The following PCDH9 variants were observed in gnomAD, a reference collection of about 807,000 sequenced individuals.
PCDH9 encodes protocadherin-9.
PCDH9 carries 24 observed loss-of-function variants against 70.6 expected under a neutral mutation model. That is an observed-to-expected ratio of 0.34 (90% CI 0.25 to 0.48). PCDH9 has a LOEUF of 0.48. PCDH9 is among the 20% of genes least tolerant of loss of function. The probability of loss-of-function intolerance (pLI) is 0.99; values close to 1 mark genes in which losing one functional copy is unlikely to be tolerated. For missense variants in PCDH9, 1,281 were observed against 1,503.6 expected (o/e 0.85, Z 2.45); for synonymous variants, 562 against 558.5 (o/e 1.01, Z -0.09).
intron 4 of PCDH9, among the ~76,000 whole-genome samples, chr13:66,496,183 T>C (rs1301429512): frequency 6.6e-6 from 1 of 152,242 alleles, no homozygotes; most frequent in Admixed American, 6.5e-5. Flanking sequence ...ATAACTCTTC[T>C]TCTCCTACTC....
chr13:66,320,587 G>T (rs555245980), intron 4 of PCDH9, among the ~76,000 whole-genome samples: 1 of 151,972 alleles, frequency 6.6e-6, no homozygotes, highest in East Asian at 1.9e-4. Flanking sequence ...ACTCCCAAAT[G>T]TTCTCCCTTT....
chr13:66,482,002 A>T (rs1958850546), intron 4 of PCDH9, among the ~76,000 whole-genome samples: 1 of 152,082 alleles, frequency 6.6e-6, no homozygotes, highest in South Asian at 2.1e-4. Flanking sequence ...TAAAACACAA[A>T]TTCTAAGTTC....
At chr13:66,799,994 C>T (rs1427040898) in intron 3 of PCDH9, among the ~76,000 whole-genome samples, 2 of 152,150 alleles carry the variant, frequency 1.3e-5, no homozygotes, top group African/African-American at 2.4e-5. Context: ...CTTCTTGCTG[C>T]CTCAGAGTAT....
chr13:66,833,007 T>C (rs369426274), intron 3 of PCDH9, among the ~76,000 whole-genome samples: 51 of 152,292 alleles, frequency 3.3e-4, no homozygotes, highest in African/African-American at 1.2e-3. Context: ...CAGAATCAGC[T>C]GTCAACTCTA....
intron 3 of PCDH9, among the ~76,000 whole-genome samples, chr13:66,821,163 A>G (rs1024336439): frequency 3.3e-5 from 5 of 152,158 alleles, no homozygotes; most frequent in Non-Finnish European, 7.4e-5. Flanking sequence ...TTATACAGTT[A>G]TAAGTTAAAG....
At position 66,454,699 on chromosome 13, in the gene PCDH9, A is replaced by C. The variant is rs1419067346; in HGVS notation, c.3341-149671T>G. Among the ~76,000 whole-genome samples, 7 of 152,334 alleles carry C rather than the reference A, an allele frequency of 4.6e-5. No individual in the cohort carries two copies. In the East Asian group the frequency reaches 1.4e-3, roughly 29 times the overall value. On this transcript the variant is annotated intron_variant, in intron 4 of 4. Transcript: ENST00000377865. The stretch of plus-strand genomic sequence containing the variant: ...TGGCAAGATTTTCTTTCTTCTTGAA[A>C]AACATAATCTTTGCATATCATTTTC...
chr13:66,683,839 C>G (rs1188980462), intron 3 of PCDH9, among the ~76,000 whole-genome samples: 2 of 136,194 alleles, frequency 1.5e-5, no homozygotes, highest in Non-Finnish European at 3.3e-5. Flanking sequence ...CAAATTGTAG[C>G]CAAAGTTAAG....
At chr13:66,596,098 A>G (rs2077099371) in intron 4 of PCDH9, among the ~76,000 whole-genome samples, 1 of 151,700 alleles carries the variant, frequency 6.6e-6, no homozygotes, top group African/African-American at 2.4e-5. Flanking sequence ...TTAGATTCCC[A>G]TGATTCAAAA....
chr13:66,451,063 A>G (rs889728868), intron 4 of PCDH9, among the ~76,000 whole-genome samples: 2 of 152,232 alleles, frequency 1.3e-5, no homozygotes, highest in Admixed American at 1.3e-4. Context: ...AATGTAAATG[A>G]CGAGTGAATG....
chr13:66,794,588 C>T (rs2080211216), intron 3 of PCDH9, among the ~76,000 whole-genome samples: 2 of 152,120 alleles, frequency 1.3e-5, no homozygotes, highest in African/African-American at 4.8e-5. Flanking sequence ...ATCACCCAAC[C>T]TCCACCTAAG....
chr13:66,999,311 C>T (rs569599004), intron 2 of PCDH9, among the ~76,000 whole-genome samples: 3 of 152,020 alleles, frequency 2.0e-5, no homozygotes, highest in African/African-American at 7.2e-5. Context: ...TAATAGATGA[C>T]AGTAGAAAAG....
intron 4 of PCDH9, among the ~76,000 whole-genome samples, chr13:66,309,239 G>T (rs1460594479): frequency 6.6e-6 from 1 of 151,914 alleles, no homozygotes; most frequent in East Asian, 1.9e-4. Context: ...TTTTATCATG[G>T]GAAAATAACA....
chr13:67,207,143 G>T (rs1254891621), intron 2 of PCDH9: 1 of 113,062 alleles, frequency 8.8e-6, no homozygotes, highest in Non-Finnish European at 1.8e-5. Context: ...TAATAATGAA[G>T]CAAAAAAAAA....
At chr13:66,492,345 A>G (rs868824759) in intron 4 of PCDH9, among the ~76,000 whole-genome samples, 1 of 151,368 alleles carries the variant, frequency 6.6e-6, no homozygotes, top group Non-Finnish European at 1.5e-5. Context: ...TCTCCAATCA[A>G]TATATATTAA....
At chr13:66,545,665 T>A (rs1014204824) in intron 4 of PCDH9, among the ~76,000 whole-genome samples, 1 of 152,152 alleles carries the variant, frequency 6.6e-6, no homozygotes, top group Non-Finnish European at 1.5e-5. Flanking sequence ...TTGTTTGTGA[T>A]GATGTTGGCG....
At chr13:66,935,967 C>G (rs1231874761) in intron 2 of PCDH9, among the ~76,000 whole-genome samples, 1 of 152,004 alleles carries the variant, frequency 6.6e-6, no homozygotes, top group African/African-American at 2.4e-5. Context: ...TGCCTGTAGT[C>G]CCAGCTACTC....
At chr13:67,053,929 A>T (rs1242222858) in intron 2 of PCDH9, among the ~76,000 whole-genome samples, 1 of 152,202 alleles carries the variant, frequency 6.6e-6, no homozygotes, top group Non-Finnish European at 1.5e-5. Flanking sequence ...GCTAGATATT[A>T]TTATCCCACT....
At chr13:66,700,925 T>A (rs565650624) in intron 3 of PCDH9, among the ~76,000 whole-genome samples, 1 of 34,094 alleles carries the variant, frequency 2.9e-5, no homozygotes, top group African/African-American at 2.7e-4. Context: ...TACATATAAA[T>A]ATATATATAT....
In PCDH9 at chr13:66,832,553, G is replaced by T. The variant is rs1594120716; in HGVS notation, c.3138+70951C>A. Among the ~76,000 whole-genome samples, 2 of 152,070 alleles carry T rather than the reference G, an allele frequency of 1.3e-5. 1 individual carries two copies. Among genetic ancestry groups the T allele is most frequent in the South Asian group, 4.2e-4 (2 of 4,814 alleles). Reference sequence around the variant, plus strand: ...ATTGAGTATACACATGCACAGATATGCATGAATAAGTATATTAAGAATGAG... The same window carrying T: ...ATTGAGTATACACATGCACAGATATTCATGAATAAGTATATTAAGAATGAG... On this transcript the variant is annotated intron_variant, in intron 3 of 4. Transcript: ENST00000377865.
Sources: gnomAD v4.1 joint callset for allele counts (sites outside exome capture counted in the v4.1 genomes callset) on GRCh38, gnomAD v4.1.1 for gene constraint, MANE v1.5 for transcripts, NCBI Gene and HGNC (gene_info 2026-07-23, HGNC 2026-07-21) for gene names.